The following IKBKB variants were observed in gnomAD, a reference collection of about 807,000 sequenced individuals.
IKBKB encodes the protein inhibitor of nuclear factor kappa-B kinase subunit beta.
A neutral mutation model predicts 113.6 loss-of-function variants in IKBKB; 42 were observed. The ratio of observed to expected loss-of-function variants is 0.37; its 90% CI spans 0.29 to 0.48. The LOEUF is 0.48. IKBKB is among the 20% of genes least tolerant of loss of function. IKBKB has a pLI of 0.99. For missense variants in IKBKB, 673 were observed against 939.7 expected, an observed-to-expected ratio of 0.72 and a Z score of 3.71; for synonymous variants, 296 against 361.3, an observed-to-expected ratio of 0.82 and a Z score of 2.05.
In IKBKB at chr8:42,320,772, C is replaced by T. The variant is rs921110664; in HGVS notation, c.1616C>T (p.Ala539Val). ...EVKLLVERMM[A>V]LQTDIVDLQR... ...AAACTCCTGGTAGAACGGATGATGG[C>T]TCTGCAGACCGACATTGTGGACTTA... is the stretch of plus-strand genomic sequence containing the variant. The change falls in exon 16 of 22, where the codon GCT becomes GTT. Residue 539 changes from alanine (A) to valine (V), a missense_variant. By Grantham distance (64) the Ala-to-Val change is moderately conservative. Around this residue, in one of 2 missense-constraint regions of IKBKB, gnomAD observed 506 missense variants for 638.7 expected, o/e 0.79. Coordinates refer to ENST00000520810, the MANE Select transcript of IKBKB (RefSeq NM_001556.3). 6.2e-7 allele frequency: 1 copy of T among 1,611,638 alleles called. No individual in the cohort carries two copies. Among genetic ancestry groups the T allele is most frequent in the Non-Finnish European group, 8.5e-7 (1 of 1,178,876 alleles).
chr8:42,290,146 C>T lies in IKBKB; in HGVS notation c.201-10C>T. The T allele has an allele frequency of 1.2e-6, 2 of 1,605,918 alleles. No homozygotes were observed. Among genetic ancestry groups the T allele is most frequent in the Non-Finnish European group, 1.7e-6 (2 of 1,172,994 alleles). The stretch of plus-strand genomic sequence containing the variant: ...CCTGGGTCTGCTCTCATCGGTTTTC[C>T]TCCTCCTAGGCTGACCCACCCCAAT... On this transcript the variant is annotated splice_polypyrimidine_tract_variant and intron_variant, in intron 3 of 21. Transcript: ENST00000520810.
intron 7 of IKBKB, among the ~76,000 whole-genome samples, chr8:42,307,398 G>T (rs982579267): frequency 6.6e-6 from 1 of 152,196 alleles, no homozygotes; most frequent in Non-Finnish European, 1.5e-5. Context: ...AGATTGATGG[G>T]TTTTAAGTGG....
Position 42,328,457 on chromosome 8 carries a change from A to T in IKBKB, c.2115-667A>T, listed in dbSNP as rs564296390. 2.0e-3 allele frequency among the ~76,000 whole-genome samples: 301 copies of T among 152,138 alleles called. 3 individuals carry two copies. The Middle Eastern group carries it at 0.024, about 12-fold the overall frequency. The stretch of plus-strand genomic sequence containing the variant: ...TTGTCACATTTTGCAGAGTGAGAGG[A>T]GTTCCAGGGCAGTCTTCCTTTATGT... On this transcript the variant is annotated intron_variant, in intron 20 of 21. Transcript: ENST00000520810.
At position 42,331,009 on chromosome 8, in the gene IKBKB, G is replaced by A; in HGVS notation, c.*30G>A. On this transcript the variant is annotated 3_prime_UTR_variant, in exon 22 of 22. Coordinates refer to ENST00000520810, the MANE Select transcript of IKBKB (RefSeq NM_001556.3). The stretch of plus-strand genomic sequence containing the variant: ...GGGGGACTCGACCCCCTGACATGGG[G>A]CAGCCCATAGCAGGCCTTGTGCAGT... The A allele has an allele frequency of 6.2e-7, 1 of 1,602,116 alleles. No homozygotes were observed. Among genetic ancestry groups the A allele is most frequent in the African/African-American group, 1.3e-5 (1 of 74,760 alleles).
At chr8:42,307,998 G>A (rs957645277) in intron 7 of IKBKB, among the ~76,000 whole-genome samples, 3 of 152,256 alleles carry the variant, frequency 2.0e-5, no homozygotes, top group African/African-American at 4.8e-5. Flanking sequence ...CCGTGCTGCC[G>A]CCCCTTCTTC....
At chr8:42,315,506 C>T (rs1440795746) in intron 9 of IKBKB, among the ~76,000 whole-genome samples, 1 of 152,120 alleles carries the variant, frequency 6.6e-6, no homozygotes, top group African/African-American at 2.4e-5. Context: ...TCACAGGAGG[C>T]AGGCTCTGCA....
chr8:42,318,463 G>A (rs1185253497), intron 12 of IKBKB, 89 bp from the exon 13 acceptor site: 8 of 1,440,758 alleles, frequency 5.6e-6, no homozygotes, highest in Non-Finnish European at 6.7e-6. Flanking sequence ...AAACGTGAAA[G>A]TGCCAGTAGT....
rs763615476 is a variant in IKBKB at position 42,320,864 on chromosome 8, C to T, written c.1688+20C>T. The T allele has an allele frequency of 6.8e-7, 1 of 1,479,326 alleles. No individual in the cohort carries two copies. The highest frequency in any genetic ancestry group is 9.2e-7 in the Non-Finnish European group (1 of 1,084,092). The allele number at this position is 1,479,326 out of a possible 1,614,324, so 91.6% of individuals were successfully genotyped here. ...CGACCTGTGAGTACTGGCTGGGGGG[C>T]CCCTCTGTGCCCAGCACACACAGAC... On this transcript the variant is annotated intron_variant, in intron 16 of 21. Coordinates refer to ENST00000520810, the MANE Select transcript of IKBKB (RefSeq NM_001556.3).
chr8:42,276,815 C>G (rs547221273), intron 2 of IKBKB, among the ~76,000 whole-genome samples: 1 of 151,094 alleles, frequency 6.6e-6, no homozygotes, highest in Admixed American at 6.6e-5. Flanking sequence ...CTGCCTCAGC[C>G]TCCTGAGTAG....
intron 5 of IKBKB, among the ~76,000 whole-genome samples, chr8:42,303,373 G>A (rs1437287911): frequency 2.6e-5 from 4 of 152,144 alleles, no homozygotes; most frequent in Admixed American, 2.6e-4. Context: ...ATTTCCTAAT[G>A]ACTGTCTGTT....
chr8:42,298,175 G>T, intron 5 of IKBKB: 2 of 985,368 alleles, frequency 2.0e-6, no homozygotes, highest in Non-Finnish European at 2.4e-6. Flanking sequence ...CAAAATTCTG[G>T]GCACTCAAGA....
In IKBKB at chr8:42,321,742, G is replaced by A; in HGVS notation, c.1689-154G>A. The A allele has an allele frequency of 1.2e-5, 7 of 605,414 alleles. No homozygotes were observed. The South Asian group carries it at 1.5e-4, about 13-fold the overall frequency. 37.5% of individuals were successfully genotyped at this position (605,414 alleles called of 1,614,324 possible). A position where few individuals can be genotyped will look rare whatever the true frequency, so the allele number is the denominator to read the frequency against. On this transcript the variant is annotated intron_variant, in intron 16 of 21. Transcript: ENST00000520810. The stretch of plus-strand genomic sequence containing the variant: ...ACAGTGGATCACATCTGTAATCCCA[G>A]CACCTTGGGATGCCAAGGCAAGAAG...
intron 8 of IKBKB, among the ~76,000 whole-genome samples, chr8:42,309,249 C>A (rs2130566940): frequency 6.6e-6 from 1 of 152,252 alleles, no homozygotes; most frequent in South Asian, 2.1e-4. Flanking sequence ...GGATTCTGAG[C>A]CTTCACATCT....
intron 12 of IKBKB, 29 bp downstream of exon 12, chr8:42,317,800 A>C (rs1563355736): frequency 6.8e-7 from 1 of 1,478,066 alleles, no homozygotes; most frequent in Admixed American, 1.7e-5. Context: ...TTGTTTTTCT[A>C]AATAATCCGT....
At chr8:42,296,630 CAA>C (rs1489083865) in intron 5 of IKBKB, among the ~76,000 whole-genome samples, 1 of 143,262 alleles carries the variant, frequency 7.0e-6, no homozygotes, top group Non-Finnish European at 1.5e-5. Flanking sequence ...GCCTGGGCAA[CAA>C]GAGTGAAACT....
chr8:42,303,995 C>A (rs946908614), intron 5 of IKBKB, among the ~76,000 whole-genome samples: 1 of 152,164 alleles, frequency 6.6e-6, no homozygotes, highest in African/African-American at 2.4e-5. Flanking sequence ...TCTATTTATA[C>A]CATGTGACTT....
rs548734748 is a variant in IKBKB at position 42,304,344 on chromosome 8, C to T, written c.389-843C>T. ...TAGATGTCTGTCAAAGTTATTCACC[C>T]TCTCTTGAGGGTAAAATCATGTCCT... On this transcript the variant is annotated intron_variant, in intron 5 of 21. Coordinates refer to ENST00000520810, the MANE Select transcript of IKBKB (RefSeq NM_001556.3). Among the ~76,000 whole-genome samples the T allele has an allele frequency of 2.4e-4, 37 of 152,314 alleles. No homozygotes were observed. In the South Asian group the frequency reaches 2.9e-3, roughly 12 times the overall value.
chr8:42,277,501 T>TA (rs1809425435), intron 2 of IKBKB, among the ~76,000 whole-genome samples: 1 of 152,048 alleles, frequency 6.6e-6, no homozygotes, highest in African/African-American at 2.4e-5. Context: ...TATTTATTTT[T>TA]AAAAAGCCAA....
At position 42,273,211 on chromosome 8, in the gene IKBKB, G is replaced by GT. The variant is rs1808196671; in HGVS notation, c.105+1009dup. ...GCAGGAGGATCACTTGAGGTCAGGAGTTTGAGACCAGCCTGGCCAACATGG... is the reference window on the plus strand; with the variant it reads ...GCAGGAGGATCACTTGAGGTCAGGAGTTTTGAGACCAGCCTGGCCAACATGG... On this transcript the variant is annotated intron_variant, in intron 2 of 21. Transcript: ENST00000520810. Among the ~76,000 whole-genome samples, 5 of 152,118 alleles carry GT rather than the reference G, an allele frequency of 3.3e-5. No individual in the cohort carries two copies. The South Asian group carries it at 1.0e-3, about 31-fold the overall frequency.
Sources: allele counts gnomAD v4.1 joint callset (sites outside exome capture counted in the v4.1 genomes callset), GRCh38; gene constraint gnomAD v4.1.1; regional missense constraint gnomAD v4.1.1; transcripts MANE v1.5; gene names NCBI Gene and HGNC (gene_info 2026-07-23, HGNC 2026-07-21).